ATL2: variants seen among roughly 807,000 people sequenced by gnomAD.
The protein encoded by ATL2 is atlastin-2.
Under a neutral mutation model 73.9 loss-of-function variants are expected in ATL2, and 31 were observed. The observed-to-expected ratio is 0.42, with a 90% CI of 0.32 to 0.57. The LOEUF (loss-of-function observed/expected upper bound fraction) is 0.57, where lower values mean the gene tolerates loss of function less well. Among genes scored for constraint, ATL2 ranks in the 20% least tolerant of loss-of-function variants. The pLI is 0.14. For missense variants in ATL2, 738 were observed against 702.6 expected (o/e 1.05, Z -0.57); for synonymous variants, 291 against 237.5 (o/e 1.23, Z -2.07).
chr2:38,353,464 C>T (rs894531844), intron 1 of ATL2, among the ~76,000 whole-genome samples: 15 of 152,190 alleles, frequency 9.9e-5, no homozygotes, highest in African/African-American at 3.6e-4. Flanking sequence ...CTATGGAACA[C>T]TATCCAACCT....
Position 38,296,087 on chromosome 2 carries a change from C to A in ATL2, c.1659G>T (p.Leu553Phe), listed in dbSNP as rs760807574. The change falls in exon 13 of 13, where the codon TTG (leucine) becomes TTT (phenylalanine). Residue 553 changes from leucine to phenylalanine, a missense_variant. Coordinates refer to ENST00000378954, the MANE Select transcript of ATL2 (RefSeq NM_001135673.4). ...CAGACTGCCTTATGTTTTCCTCCAT[C>A]AAATTATCACCCAGGGGCTTCAATA... ...EQVLKPLGDN[L>F]MEENIRQSVT... is the part of the protein sequence containing the mutation. 2.2e-5 allele frequency: 34 copies of A among 1,551,170 alleles called. No individual in the cohort carries two copies. The Admixed American group carries it at 3.1e-4, about 14-fold the overall frequency.
chr2:38,320,963 G>T (rs1490917152), intron 2 of ATL2, among the ~76,000 whole-genome samples: 1 of 146,626 alleles, frequency 6.8e-6, no homozygotes, highest in East Asian at 2.0e-4. Context: ...TGGCCTTGGT[G>T]AAACCCCCTC....
intron 1 of ATL2, among the ~76,000 whole-genome samples, chr2:38,375,261 C>T (rs72789384): frequency 2.6e-5 from 4 of 152,278 alleles, no homozygotes; most frequent in Non-Finnish European, 4.4e-5. Context: ...CAGTCTGTTT[C>T]TTCTCACTTT....
Position 38,295,874 on chromosome 2 carries a change from G to A in ATL2, c.*120C>T, listed in dbSNP as rs532509369. On this transcript the variant is annotated 3_prime_UTR_variant, in exon 13 of 13. Coordinates refer to ENST00000378954, the MANE Select transcript of ATL2 (RefSeq NM_001135673.4). ...ACACTCTGTGGCAGCCATCTGTGAAGCCAGTTACACTAAACTACTTCTACA... is the reference window on the plus strand; with the variant it reads ...ACACTCTGTGGCAGCCATCTGTGAAACCAGTTACACTAAACTACTTCTACA... 107 of 809,054 alleles carry A rather than the reference G, an allele frequency of 1.3e-4. 1 individual carries two copies. The highest frequency in any genetic ancestry group is 4.0e-4 in the Admixed American group (13 of 32,452). 50.1% of individuals were successfully genotyped at this position (809,054 alleles called of 1,614,324 possible).
intron 1 of ATL2, among the ~76,000 whole-genome samples, chr2:38,374,465 G>A (rs1187247957): frequency 2.0e-5 from 3 of 152,192 alleles, no homozygotes; most frequent in Non-Finnish European, 2.9e-5. Context: ...GAAGAAAGCT[G>A]CTTCCCTGCA....
chr2:38,320,905 G>A (rs772458050), intron 2 of ATL2, among the ~76,000 whole-genome samples: 42 of 151,860 alleles, frequency 2.8e-4, no homozygotes, highest in Non-Finnish European at 5.9e-4. Flanking sequence ...AGCACTTTGA[G>A]AGGCTGAGGC....
intron 9 of ATL2, among the ~76,000 whole-genome samples, chr2:38,301,564 A>C (rs1667192794): frequency 6.6e-6 from 1 of 152,148 alleles, no homozygotes; most frequent in Admixed American, 6.5e-5. Context: ...GAGACAATCT[A>C]TGTGCTTAGG....
chr2:38,325,691 C>G, intron 2 of ATL2, among the ~76,000 whole-genome samples: 1 of 61,294 alleles, frequency 1.6e-5, no homozygotes, highest in East Asian at 5.1e-4. Flanking sequence ...CACACACACA[C>G]ACACCAGTAC....
At chr2:38,298,095 C>A (rs1666988797) in intron 12 of ATL2, 49 bp downstream of exon 12, 2 of 1,507,734 alleles carry the variant, frequency 1.3e-6, no homozygotes, top group Admixed American at 2.0e-5. Flanking sequence ...GATGGAAAGT[C>A]ACAGGAAAAT....
At chr2:38,362,931 G>A (rs375636788) in intron 1 of ATL2, among the ~76,000 whole-genome samples, 2 of 152,200 alleles carry the variant, frequency 1.3e-5, no homozygotes, top group African/African-American at 4.8e-5. Context: ...TGGACATCTG[G>A]AGGAAAAGAG....
At chr2:38,351,151 T>A (rs1558440541) in intron 1 of ATL2, among the ~76,000 whole-genome samples, 1 of 152,020 alleles carries the variant, frequency 6.6e-6, no homozygotes, top group Non-Finnish European at 1.5e-5. Context: ...AGTCTACTTA[T>A]AAAAAAATTA....
intron 1 of ATL2, among the ~76,000 whole-genome samples, chr2:38,353,367 A>T (rs1403487372): frequency 1.3e-5 from 2 of 152,194 alleles, no homozygotes; most frequent in Admixed American, 6.5e-5. Context: ...GAAAGTTTGT[A>T]AACTTGCAAA....
At chr2:38,340,220 GGTT>G (rs1219754485) in intron 2 of ATL2, among the ~76,000 whole-genome samples, 1 of 147,490 alleles carries the variant, frequency 6.8e-6, no homozygotes, top group Non-Finnish European at 1.5e-5. Context: ...ACAAAGTGGG[GGTT>G]GTTCTGTATT....
intron 2 of ATL2, among the ~76,000 whole-genome samples, chr2:38,324,742 G>A (rs753971882): frequency 7.2e-5 from 11 of 152,208 alleles, no homozygotes; most frequent in Non-Finnish European, 1.2e-4. Context: ...CTCAAAAGGT[G>A]TCTTTGACCT....
intron 11 of ATL2, among the ~76,000 whole-genome samples, chr2:38,298,814 C>T (rs903913416): frequency 6.6e-6 from 1 of 152,166 alleles, no homozygotes; most frequent in Non-Finnish European, 1.5e-5. Flanking sequence ...AAATTTTACA[C>T]TGTGCTCTGT....
chr2:38,318,808 T>C, intron 3 of ATL2, 77 bp downstream of exon 3: 1 of 1,495,904 alleles, frequency 6.7e-7, no homozygotes, highest in Admixed American at 1.9e-5. Flanking sequence ...TTAATAGTTC[T>C]GTGTTGTTTT....
intron 12 of ATL2, among the ~76,000 whole-genome samples, chr2:38,297,669 G>T (rs1040707324): frequency 1.3e-5 from 2 of 152,116 alleles, no homozygotes; most frequent in African/African-American, 4.8e-5. Flanking sequence ...GTTCCTCATA[G>T]TACATCAGGA....
intron 2 of ATL2, among the ~76,000 whole-genome samples, chr2:38,324,927 G>A (rs1437013105): frequency 6.6e-6 from 1 of 152,190 alleles, no homozygotes; most frequent in East Asian, 1.9e-4. Context: ...GCTTCAGCTG[G>A]GGAAGATGAA....
rs188859747 is a variant in ATL2 at position 38,296,227 on chromosome 2, T to C, written c.1633-114A>G. On this transcript the variant is annotated intron_variant, in intron 12 of 12. Transcript: ENST00000378954. ...GCAATGATGAAAATAACCAGGAATA[T>C]GGGAAATAAAAAGATGCTTCTCTCA... The C allele has an allele frequency of 2.4e-5, 34 of 1,426,190 alleles. No individual in the cohort carries two copies. In the Admixed American group the frequency reaches 6.3e-4, roughly 26 times the overall value. 88.3% of individuals were successfully genotyped at this position (1,426,190 alleles called of 1,614,324 possible).
Sources: allele counts gnomAD v4.1 joint callset (sites outside exome capture counted in the v4.1 genomes callset), GRCh38; gene constraint gnomAD v4.1.1; transcripts MANE v1.5; gene names NCBI Gene and HGNC (gene_info 2026-07-23, HGNC 2026-07-21).